Variants in SMPD3 observed in about 807,000 individuals in gnomAD.
SMPD3 encodes sphingomyelin phosphodiesterase 3, also known as nSMase-2.
Under a neutral mutation model 55.7 loss-of-function variants are expected in SMPD3, and 21 were observed. The observed-to-expected ratio is 0.38, with a 90% confidence interval of 0.27 to 0.54. The LOEUF (loss-of-function observed/expected upper bound fraction) is 0.54. SMPD3 is among the 20% of genes least tolerant of loss of function. The pLI is 0.80. For missense variants in SMPD3, 842 were observed against 899.6 expected, an observed-to-expected ratio of 0.94 and a Z score of 0.82; for synonymous variants, 457 against 404.3, an observed-to-expected ratio of 1.13 and a Z score of -1.56.
chr16:68,368,551 C>CG (rs1001373618), intron 3 of SMPD3: 7 of 153,074 alleles, frequency 4.6e-5, no homozygotes, highest in African/African-American at 1.7e-4. Context: ...ATGGATGGGT[C>CG]GGGCACAGGA....
chr16:68,442,343 T>G (rs1045115169), intron 1 of SMPD3, among the ~76,000 whole-genome samples: 1 of 152,208 alleles, frequency 6.6e-6, no homozygotes, highest in Non-Finnish European at 1.5e-5. Flanking sequence ...TTTCTAAAGC[T>G]CTTTCTGCTT....
chr16:68,364,807 T>C lies in SMPD3; in HGVS notation c.1499A>G (p.Glu500Gly). ...ACAGACGACGTCAAATGCCACCAGC[T>C]CCTCGGGGTTGGCTGCGCTGGACGA... is the stretch of plus-strand genomic sequence containing the variant. ...TSSSSAANPE[E>G]LVAFDVVCGD... The change falls in exon 5 of 9, where the codon GAG becomes GGG. Residue 500 changes from glutamate (E) to glycine (G), a missense_variant. Glu to Gly is a moderately conservative substitution (Grantham distance 98). This residue lies in a region of SMPD3 where 649 missense variants were observed against 643.6 expected (regional missense o/e 1.01). Coordinates refer to ENST00000219334, the MANE Select transcript of SMPD3 (RefSeq NM_018667.4). 6.2e-7 allele frequency: 1 copy of C among 1,613,766 alleles called. No homozygotes were observed.
chr16:68,402,924 G>A (rs1488727175), intron 1 of SMPD3, among the ~76,000 whole-genome samples: 1 of 152,262 alleles, frequency 6.6e-6, no homozygotes, highest in African/African-American at 2.4e-5. Flanking sequence ...GGCCTGAGAT[G>A]TGCCTGCTGA....
chr16:68,374,842 C>G (rs1353764413), intron 2 of SMPD3, among the ~76,000 whole-genome samples: 5 of 152,206 alleles, frequency 3.3e-5, no homozygotes, highest in Non-Finnish European at 5.9e-5. Flanking sequence ...CTCTGGTGGA[C>G]CAGCTGGGGC....
intron 1 of SMPD3, among the ~76,000 whole-genome samples, chr16:68,396,795 G>T (rs924144151): frequency 4.6e-5 from 7 of 152,256 alleles, no homozygotes; most frequent in Non-Finnish European, 1.0e-4. Flanking sequence ...AGGCTACTTT[G>T]TGGTAAAACA....
chr16:68,393,660 A>T (rs1262618273), intron 1 of SMPD3, among the ~76,000 whole-genome samples: 1 of 152,124 alleles, frequency 6.6e-6, no homozygotes, highest in Non-Finnish European at 1.5e-5. Context: ...GACTCTTGGG[A>T]GTGACTACAT....
intron 1 of SMPD3, among the ~76,000 whole-genome samples, chr16:68,407,082 A>G (rs1323949937): frequency 2.0e-5 from 3 of 152,168 alleles, no homozygotes; most frequent in Admixed American, 1.3e-4. Flanking sequence ...CAGAAGCTTG[A>G]TCAGGAGAAT....
chr16:68,420,538 C>A (rs986990636), intron 1 of SMPD3, among the ~76,000 whole-genome samples: 1 of 152,152 alleles, frequency 6.6e-6, no homozygotes, highest in African/African-American at 2.4e-5. Context: ...CAGGGAGGGG[C>A]GTTTTATTGC....
intron 2 of SMPD3, among the ~76,000 whole-genome samples, chr16:68,385,484 G>A (rs149437702): frequency 1.3e-5 from 2 of 152,138 alleles, no homozygotes; most frequent in East Asian, 3.9e-4. Context: ...CTGAGCCATT[G>A]GTGAAAACTC....
chr16:68,399,193 G>A (rs371242578), intron 1 of SMPD3, among the ~76,000 whole-genome samples: 2 of 152,238 alleles, frequency 1.3e-5, no homozygotes, highest in Admixed American at 6.5e-5. Flanking sequence ...GGCTTGGGGG[G>A]AGGTCACTTC....
intron 1 of SMPD3, among the ~76,000 whole-genome samples, chr16:68,390,705 C>A (rs1001463177): frequency 6.6e-6 from 1 of 152,154 alleles, no homozygotes; most frequent in Admixed American, 6.5e-5. Context: ...TCTGGGAATG[C>A]AGCCCAGCAC....
rs570723177 is a variant in SMPD3, at chr16:68,370,784, C to T, written c.1323+75G>A. ...AGCCCCCATGACGATGAGGACTCCC[C>T]GCTGCAGCCCCCCTGCCTACATGGC... On this transcript the variant is annotated intron_variant, in intron 3 of 8. Coordinates refer to ENST00000219334, the MANE Select transcript of SMPD3 (RefSeq NM_018667.4). The T allele has an allele frequency of 1.3e-5, 20 of 1,567,724 alleles. 1 individual carries two copies. Among genetic ancestry groups the T allele is most frequent in the African/African-American group, 9.5e-5 (7 of 73,794 alleles).
intron 5 of SMPD3, 121 bp downstream of exon 5, chr16:68,364,630 C>T (rs563058429): frequency 4.2e-5 from 48 of 1,139,622 alleles, no homozygotes; most frequent in South Asian, 2.3e-4. Flanking sequence ...CTAAATACCC[C>T]GCCCACATGC....
At chr16:68,388,682 C>T (rs2090084106) in intron 1 of SMPD3, among the ~76,000 whole-genome samples, 1 of 152,138 alleles carries the variant, frequency 6.6e-6, no homozygotes, top group Admixed American at 6.5e-5. Flanking sequence ...CTGAAAAATC[C>T]CTGCATGTTT....
Position 68,371,374 on chromosome 16 carries a change from C to T in SMPD3, c.808G>A (p.Gly270Arg), listed in dbSNP as rs1355789860. 17 of 1,568,604 alleles carry T rather than the reference C, an allele frequency of 1.1e-5. No homozygotes were observed. The highest frequency in any genetic ancestry group is 6.7e-5 in the East Asian group (3 of 44,732). ...TGGCCCCTTGGGCCCCCGCCAGCTC[C>T]GTTCCTGGCCTGGCCCCCAGGCACA... ...DPVPGGQARN[G>R]AGGGPRGQTP... The change falls in exon 3 of 9, where the codon GGA becomes AGA. Residue 270 changes from glycine (G) to arginine (R), a missense_variant. By Grantham distance (125) the Gly-to-Arg change is moderately radical. Around this residue, in one of 2 missense-constraint regions of SMPD3, gnomAD observed 649 missense variants for 643.6 expected, o/e 1.01. Coordinates refer to ENST00000219334, the MANE Select transcript of SMPD3 (RefSeq NM_018667.4).
rs1361572673 is a variant in SMPD3, at chr16:68,358,401, T to C, written c.*2805A>G. The C allele has an allele frequency of 6.5e-6, 1 of 152,732 alleles. No homozygotes were observed. The highest frequency in any genetic ancestry group is 1.5e-5 in the Non-Finnish European group (1 of 68,052). 9.5% of individuals were successfully genotyped at this position (152,732 alleles called of 1,614,324 possible). A position where few individuals can be genotyped will look rare whatever the true frequency, so the allele number is the denominator to read the frequency against. On this transcript the variant is annotated 3_prime_UTR_variant, in exon 9 of 9. Coordinates refer to ENST00000219334, the MANE Select transcript of SMPD3 (RefSeq NM_018667.4). ...CACCAGTAAGGAAAAAGAACACCTC[T>C]CTTCGCAAAATATTTTATCAGGTGT...
In SMPD3 at chr16:68,432,009, G is replaced by A. The variant is rs574644217; in HGVS notation, c.-269+16344C>T. Among the ~76,000 whole-genome samples, 12 of 152,170 alleles carry A rather than the reference G, an allele frequency of 7.9e-5. 1 individual carries two copies. The South Asian group carries it at 2.1e-3, about 26-fold the overall frequency. ...GCGGGCCTGTAATCCCAACTACTCG[G>A]GAGGCTGAGGCACGAGAATCACTTG... On this transcript the variant is annotated intron_variant, in intron 1 of 8. Transcript: ENST00000219334.
At chr16:68,415,716 T>C (rs978551043) in intron 1 of SMPD3, among the ~76,000 whole-genome samples, 1 of 152,106 alleles carries the variant, frequency 6.6e-6, no homozygotes, top group Admixed American at 6.5e-5. Context: ...TTACTATTCA[T>C]TATACTCTTC....
intron 1 of SMPD3, among the ~76,000 whole-genome samples, chr16:68,431,008 A>G (rs1456130580): frequency 2.0e-5 from 3 of 152,198 alleles, no homozygotes; most frequent in Non-Finnish European, 4.4e-5. Context: ...GTCCCTGTGC[A>G]GGGAGTGGGG....
Sources: gnomAD v4.1 joint callset for allele counts (sites outside exome capture counted in the v4.1 genomes callset) on GRCh38, gnomAD v4.1.1 for gene constraint, gnomAD v4.1.1 regional missense constraint, MANE v1.5 for transcripts, NCBI Gene and HGNC (gene_info 2026-07-23, HGNC 2026-07-21) for gene names.